Variants in MCM5 observed in about 807,000 individuals in gnomAD.
MCM5 encodes minichromosome maintenance complex component 5.
A neutral mutation model predicts 79.9 loss-of-function variants in MCM5; 46 were observed. That is an observed-to-expected ratio of 0.58 (90% CI 0.45 to 0.74). The LOEUF (loss-of-function observed/expected upper bound fraction) is 0.74, where lower values mean the gene tolerates loss of function less well. Among genes scored for constraint, MCM5 ranks in the 30% least tolerant of loss-of-function variants. The pLI is 0.00. For synonymous variants in MCM5, 404 were observed against 390.5 expected (o/e 1.03, Z -0.41); for missense variants, 883 against 1,017.0 (o/e 0.87, Z 1.79).
intron 16 of MCM5, chr22:35,423,851 T>C (rs1932751763): frequency 3.2e-6 from 1 of 317,332 alleles, no homozygotes; most frequent in Non-Finnish European, 5.8e-6. Context: ...GGCAGTTTAA[T>C]GGGTGGTATC....
chr22:35,405,936 G>A (rs373405449), intron 4 of MCM5, among the ~76,000 whole-genome samples: 173 of 151,904 alleles, frequency 1.1e-3, no homozygotes, highest in East Asian at 2.5e-3. Context: ...GCTTGAACCC[G>A]GGAGGCGGAG....
Position 35,413,904 on chromosome 22 carries a change from A to G in MCM5, c.1121A>G (p.Asp374Gly), listed in dbSNP as rs769867802. 1.3e-4 allele frequency: 214 copies of G among 1,613,424 alleles called. No homozygotes were observed. Among genetic ancestry groups the G allele is most frequent in the Non-Finnish European group, 1.6e-4 (186 of 1,179,520 alleles). The change falls in exon 9 of 17, where the codon GAC becomes GGC. Residue 374 changes from aspartate (D) to glycine (G), a missense_variant. Physicochemically the swap from Asp to Gly is moderately conservative, Grantham distance 94. Around this residue, in one of 3 missense-constraint regions of MCM5, gnomAD observed 455 missense variants for 517.5 expected, o/e 0.88. Coordinates refer to ENST00000216122, the MANE Select transcript of MCM5 (RefSeq NM_006739.4). ...RLPDGLTRRG[D>G]INLLMLGDPG... ...CCTGATGGACTTACTCGCCGAGGAG[A>G]CATCAACCTGCTGATGCTAGGGGAC...
Position 35,417,008 on chromosome 22 carries a change from C to T in MCM5, c.1590+194C>T, listed in dbSNP as rs4645797. ...GAAGCAGGGTCTGGAGTCCTGTGGC[C>T]TGCTCTGCCTCTGCCGTGAGTGATA... is the stretch of plus-strand genomic sequence containing the variant. On this transcript the variant is annotated intron_variant, in intron 12 of 16. Transcript: ENST00000216122. Among the ~76,000 whole-genome samples the T allele has an allele frequency of 4.2e-4, 64 of 152,268 alleles. No homozygotes were observed. The South Asian group carries it at 0.012, about 29-fold the overall frequency.
the MCM5 span, among the ~76,000 whole-genome samples, chr22:35,439,529 G>GTCCA: frequency 2.7e-5 from 4 of 150,796 alleles, no homozygotes; most frequent in South Asian, 2.1e-4. Context: ...CCACCCACAT[G>GTCCA]TCCATCCATC....
At chr22:35,435,417 T>G in the MCM5 span, among the ~76,000 whole-genome samples, 1 of 152,042 alleles carries the variant, frequency 6.6e-6, no homozygotes, top group East Asian at 1.9e-4. Context: ...CACCAGAGGC[T>G]CCTCCTGGTG....
At chr22:35,404,703 C>T (rs1486614775) in intron 4 of MCM5, among the ~76,000 whole-genome samples, 1 of 152,176 alleles carries the variant, frequency 6.6e-6, no homozygotes, top group Non-Finnish European at 1.5e-5. Context: ...CCCAGCCTCG[C>T]TTCTGCTTCC....
Position 35,412,696 on chromosome 22 carries a change from T to A in MCM5, c.1091+15T>A. The A allele has an allele frequency of 2.1e-6, 3 of 1,435,682 alleles. No homozygotes were observed. The highest frequency in any genetic ancestry group is 2.8e-6 in the Non-Finnish European group (3 of 1,082,236). 88.9% of individuals were successfully genotyped at this position (1,435,682 alleles called of 1,614,324 possible). On this transcript the variant is annotated intron_variant, in intron 8 of 16. Transcript: ENST00000216122. ...TCCCGAAAGAGGTAGGGGCTTGAGT[T>A]CCCTTGGGTTTGGGGAGGCGGCTGA...
At chr22:35,441,595 C>A in the MCM5 span, among the ~76,000 whole-genome samples, 3 of 152,102 alleles carry the variant, frequency 2.0e-5, no homozygotes. Flanking sequence ...GATTGGAACC[C>A]AGGCAGTGGG....
At chr22:35,418,686 TACAC>T (rs34663823) in intron 13 of MCM5, among the ~76,000 whole-genome samples, 3,140 of 149,278 alleles carry the variant, frequency 0.021, 38 homozygotes, top group Non-Finnish European at 0.027. Flanking sequence ...TATATATGTG[TACAC>T]ACACACACAC....
the MCM5 span, among the ~76,000 whole-genome samples, chr22:35,434,305 G>A: frequency 5.9e-5 from 9 of 151,536 alleles, no homozygotes; most frequent in South Asian, 8.4e-4. Flanking sequence ...AATGGATTCC[G>A]TTGTCTGTCA....
At chr22:35,436,046 A>G in the MCM5 span, among the ~76,000 whole-genome samples, 1 of 151,912 alleles carries the variant, frequency 6.6e-6, no homozygotes, top group Non-Finnish European at 1.5e-5. Context: ...GCATGCCTGT[A>G]ATCCCAGCTA....
the MCM5 span, among the ~76,000 whole-genome samples, chr22:35,438,571 C>G: frequency 7.8e-6 from 1 of 127,472 alleles, no homozygotes; most frequent in African/African-American, 3.1e-5. Flanking sequence ...ATCCATCCAT[C>G]CATCCATCCA....
At chr22:35,449,870 C>T in the MCM5 span, among the ~76,000 whole-genome samples, 1 of 152,216 alleles carries the variant, frequency 6.6e-6, no homozygotes, top group Non-Finnish European at 1.5e-5. Context: ...CAGCCTCAAC[C>T]TCTTGGGCTG....
the MCM5 span, among the ~76,000 whole-genome samples, chr22:35,432,494 A>G: frequency 4.6e-5 from 7 of 152,216 alleles, no homozygotes; most frequent in Non-Finnish European, 8.8e-5. Context: ...TCAGTAGAGC[A>G]GAGCAGGGAG....
rs140196195 is a variant in MCM5 at position 35,413,191 on chromosome 22, T to C, written c.1091+510T>C. 3.9e-3 allele frequency among the ~76,000 whole-genome samples: 593 copies of C among 152,090 alleles called. 7 individuals carry two copies. Among genetic ancestry groups the C allele is most frequent in the African/African-American group, 0.013 (551 of 41,460 alleles). ...CCGAGTAGCTGGGACTACAGGCGCCTGCCACCATGCCCAGCTAATTTTTTT... is the reference window on the plus strand; with the variant it reads ...CCGAGTAGCTGGGACTACAGGCGCCCGCCACCATGCCCAGCTAATTTTTTT... On this transcript the variant is annotated intron_variant, in intron 8 of 16. Transcript: ENST00000216122.
chr22:35,432,368 G>T, the MCM5 span, among the ~76,000 whole-genome samples: 8 of 152,170 alleles, frequency 5.3e-5, no homozygotes, highest in Non-Finnish European at 1.0e-4. Context: ...AAGCCAGGGG[G>T]TCTAGCGGGG....
chr22:35,443,807 T>C, the MCM5 span, among the ~76,000 whole-genome samples: 1 of 152,176 alleles, frequency 6.6e-6, no homozygotes, highest in Non-Finnish European at 1.5e-5. Context: ...TGCATGTGAA[T>C]TCCTCCTTCA....
At chr22:35,445,289 G>A in the MCM5 span, among the ~76,000 whole-genome samples, 12 of 149,610 alleles carry the variant, frequency 8.0e-5, no homozygotes, top group Non-Finnish European at 1.5e-4. Context: ...GGCCATTAAG[G>A]GAAAGTGTAA....
chr22:35,402,470 G>A (rs1932084052), intron 2 of MCM5, among the ~76,000 whole-genome samples: 1 of 151,682 alleles, frequency 6.6e-6, no homozygotes, highest in African/African-American at 2.4e-5. Flanking sequence ...AGGATTACAG[G>A]CATCCGCCAC....
Sources: gnomAD v4.1 joint callset for allele counts (sites outside exome capture counted in the v4.1 genomes callset) on GRCh38, gnomAD v4.1.1 for gene constraint, gnomAD v4.1.1 regional missense constraint, MANE v1.5 for transcripts, NCBI Gene and HGNC (gene_info 2026-07-23, HGNC 2026-07-21) for gene names.